Variants in PVT1 observed in about 807,000 individuals in gnomAD.
The protein encoded by PVT1 is CXCR4/PVT1 fusion.
chr8:127,914,800 A>G (rs1169633888), intron 3 of PVT1, among the ~76,000 whole-genome samples: 1 of 151,352 alleles, frequency 6.6e-6, no homozygotes, highest in East Asian at 1.9e-4. Flanking sequence ...CTTAATGGGT[A>G]CAAAGTTGTT....
chr8:128,068,792 A>G (rs988608374), intron 4 of PVT1, among the ~76,000 whole-genome samples: 2 of 152,180 alleles, frequency 1.3e-5, no homozygotes, highest in Non-Finnish European at 2.9e-5. Flanking sequence ...GCACCCGGCC[A>G]GTTTTGGGGT....
At chr8:127,888,283 G>A (rs557216987) in intron 2 of PVT1, among the ~76,000 whole-genome samples, 19 of 152,244 alleles carry the variant, frequency 1.2e-4, no homozygotes, top group South Asian at 1.2e-3. Context: ...TGTTTCCTTC[G>A]TGATTTCTTC....
chr8:127,991,972 C>T (rs552616453), intron 4 of PVT1, among the ~76,000 whole-genome samples: 28 of 151,696 alleles, frequency 1.8e-4, no homozygotes, highest in Non-Finnish European at 2.9e-4. Flanking sequence ...ACCAGGAACA[C>T]GGAGTCAGAC....
chr8:128,051,015 C>T (rs1328857126), intron 4 of PVT1, among the ~76,000 whole-genome samples: 1 of 152,184 alleles, frequency 6.6e-6, no homozygotes, highest in Non-Finnish European at 1.5e-5. Flanking sequence ...TTCTTCAGGG[C>T]ATTGACTGTG....
chr8:127,822,995 A>T (rs1197679574), intron 2 of PVT1, among the ~76,000 whole-genome samples: 1 of 152,190 alleles, frequency 6.6e-6, no homozygotes, highest in African/African-American at 2.4e-5. Context: ...GTTGTCTTGG[A>T]AGGAAAGCAA....
At chr8:128,098,086 T>A (rs1169605385) in intron 6 of PVT1, among the ~76,000 whole-genome samples, 1 of 152,084 alleles carries the variant, frequency 6.6e-6, no homozygotes, top group East Asian at 1.9e-4. Context: ...CCTCCCTTCC[T>A]AGGGGCAGTT....
At chr8:127,913,383 T>G (rs1211637379) in intron 3 of PVT1, among the ~76,000 whole-genome samples, 1 of 152,210 alleles carries the variant, frequency 6.6e-6, no homozygotes. Context: ...TCCATTGACC[T>G]GGGCCCAGTA....
intron 4 of PVT1, among the ~76,000 whole-genome samples, chr8:128,008,659 G>A (rs1189751571): frequency 1.3e-5 from 2 of 152,194 alleles, no homozygotes; most frequent in African/African-American, 4.8e-5. Flanking sequence ...CTCTACGGAT[G>A]CATCTCTCAG....
At chr8:127,820,702 G>GTT (rs900705045) in intron 2 of PVT1, among the ~76,000 whole-genome samples, 2 of 144,678 alleles carry the variant, frequency 1.4e-5, no homozygotes. Context: ...CTTAGGTTTT[G>GTT]TTTTTTTTTT....
intron 4 of PVT1, among the ~76,000 whole-genome samples, chr8:128,050,861 A>G (rs1322690430): frequency 1.3e-5 from 2 of 152,196 alleles, no homozygotes; most frequent in African/African-American, 2.4e-5. Context: ...CTCAAGTTCC[A>G]TTCCATCATT....
intron 3 of PVT1, among the ~76,000 whole-genome samples, chr8:127,962,950 C>CA (rs1816663559): frequency 6.6e-6 from 1 of 152,132 alleles, no homozygotes; most frequent in Non-Finnish European, 1.5e-5. Context: ...ATTTTACTTG[C>CA]AGATGGGCAG....
intron 2 of PVT1, among the ~76,000 whole-genome samples, chr8:127,801,400 C>A (rs957967827): frequency 2.6e-5 from 4 of 152,018 alleles, no homozygotes; most frequent in African/African-American, 9.7e-5. Flanking sequence ...TGCCACCACG[C>A]CTGGCTAATG....
At chr8:127,893,337 C>T (rs1043697573) in intron 3 of PVT1, among the ~76,000 whole-genome samples, 11 of 152,138 alleles carry the variant, frequency 7.2e-5, no homozygotes, top group African/African-American at 2.2e-4. Context: ...AGTGCAGTGG[C>T]GCAATCTCGG....
intron 3 of PVT1, among the ~76,000 whole-genome samples, chr8:127,917,212 C>T (rs1815996019): frequency 6.6e-6 from 1 of 152,168 alleles, no homozygotes; most frequent in African/African-American, 2.4e-5. Flanking sequence ...ACGCAACCAC[C>T]CATCCACCCA....
At chr8:127,986,614 C>T (rs1342159866) in intron 3 of PVT1, among the ~76,000 whole-genome samples, 1 of 152,152 alleles carries the variant, frequency 6.6e-6, no homozygotes, top group Non-Finnish European at 1.5e-5. Context: ...TTGGCATTGG[C>T]ATATTTCTGA....
intron 3 of PVT1, among the ~76,000 whole-genome samples, chr8:127,987,942 C>T (rs1816987876): frequency 6.6e-6 from 1 of 152,210 alleles, no homozygotes; most frequent in Non-Finnish European, 1.5e-5. Context: ...AGGGGGAATT[C>T]ACTCTGTGCT....
chr8:128,000,010 C>G (rs1817156925), intron 4 of PVT1, among the ~76,000 whole-genome samples: 1 of 152,188 alleles, frequency 6.6e-6, no homozygotes, highest in Admixed American at 6.5e-5. Context: ...GCTCACAGGC[C>G]TTTGAATGTG....
intron 2 of PVT1, among the ~76,000 whole-genome samples, chr8:127,825,697 A>G (rs1339355085): frequency 6.6e-6 from 1 of 152,122 alleles, no homozygotes; most frequent in Non-Finnish European, 1.5e-5. Flanking sequence ...TCTGCATCTG[A>G]CATATGTGGC....
chr8:128,064,556 C>T (rs2130125995), intron 4 of PVT1, among the ~76,000 whole-genome samples: 1 of 152,288 alleles, frequency 6.6e-6, no homozygotes, highest in South Asian at 2.1e-4. Context: ...GTTCCCCCAA[C>T]AGATTTTCTA....
Sources: gnomAD v4.1 joint callset for allele counts (sites outside exome capture counted in the v4.1 genomes callset) on GRCh38, gnomAD v4.1.1 for gene constraint, MANE v1.5 for transcripts, NCBI Gene and HGNC (gene_info 2026-07-23, HGNC 2026-07-21) for gene names.